The following ANKRD30B variants were observed in gnomAD, a reference collection of about 807,000 sequenced individuals.
ANKRD30B encodes the protein ankyrin repeat domain-containing protein 30B.
ANKRD30B carries 144 observed loss-of-function variants against 202.2 expected under a neutral mutation model. The observed-to-expected ratio is 0.71, with a 90% confidence interval of 0.62 to 0.82. The LOEUF (loss-of-function observed/expected upper bound fraction) is 0.82, where lower values mean the gene tolerates loss of function less well. ANKRD30B is among the 40% of genes least tolerant of loss of function. The pLI, the probability that ANKRD30B is intolerant of heterozygous loss-of-function variation, is 0.00. For missense variants in ANKRD30B, 1,487 were observed against 1,669.1 expected, an observed-to-expected ratio of 0.89 and a Z score of 1.90; for synonymous variants, 508 against 561.3, an observed-to-expected ratio of 0.91 and a Z score of 1.34.
At chr18:14,892,111 A>C in the ANKRD30B span, among the ~76,000 whole-genome samples, 1 of 152,244 alleles carries the variant, frequency 6.6e-6, no homozygotes, top group South Asian at 2.1e-4. Context: ...TAAGAAGTCA[A>C]TATTTTCTTT....
At chr18:14,900,427 A>T in the ANKRD30B span, among the ~76,000 whole-genome samples, 14 of 152,030 alleles carry the variant, frequency 9.2e-5, no homozygotes, top group African/African-American at 3.4e-4. Context: ...CCCTTTTCTT[A>T]TGAGGCATAA....
At chr18:14,941,078 T>C in the ANKRD30B span, among the ~76,000 whole-genome samples, 1 of 152,198 alleles carries the variant, frequency 6.6e-6, no homozygotes, top group Non-Finnish European at 1.5e-5. Context: ...TTTCCTACCA[T>C]GCAAACCATA....
intron 15 of ANKRD30B, among the ~76,000 whole-genome samples, chr18:14,788,759 G>A (rs1428829020): frequency 2.6e-5 from 4 of 151,834 alleles, no homozygotes; most frequent in Non-Finnish European, 5.9e-5. Context: ...AATCCATGGT[G>A]TATATGTGCC....
rs531098814 is a variant in ANKRD30B, at chr18:14,757,014, GTGAC to G, written c.618-795_618-792del. Among the ~76,000 whole-genome samples, 54 of 152,286 alleles carry G rather than the reference GTGAC, an allele frequency of 3.5e-4. 1 individual carries two copies. The East Asian group carries it at 8.3e-3, about 23-fold the overall frequency. On this transcript the variant is annotated intron_variant, in intron 4 of 43. Coordinates refer to ENST00000690538, the MANE Select transcript of ANKRD30B (RefSeq NM_001367607.2). Reference sequence around the variant, plus strand: ...CATATTAATTTTAGGTTATCCCTATGTGACTGACTATTAATTGCTATCACCAGAT... The same window carrying G: ...CATATTAATTTTAGGTTATCCCTATGTGACTATTAATTGCTATCACCAGAT...
At chr18:14,915,240 G>A in the ANKRD30B span, among the ~76,000 whole-genome samples, 1 of 152,124 alleles carries the variant, frequency 6.6e-6, no homozygotes, top group Non-Finnish European at 1.5e-5. Flanking sequence ...ATGTGAAAGA[G>A]GAGCCTTGGT....
At chr18:14,906,674 C>T in the ANKRD30B span, among the ~76,000 whole-genome samples, 2 of 152,114 alleles carry the variant, frequency 1.3e-5, no homozygotes, top group African/African-American at 4.8e-5. Context: ...GCTGTCAATT[C>T]TGTTTAGTCC....
chr18:14,821,342 G>A (rs150129267), intron 30 of ANKRD30B, among the ~76,000 whole-genome samples: 1 of 152,002 alleles, frequency 6.6e-6, no homozygotes, highest in Non-Finnish European at 1.5e-5. Context: ...TTTTTGAACG[G>A]TTTTTTGTGT....
chr18:14,767,792 T>A (rs1916486229), intron 7 of ANKRD30B, among the ~76,000 whole-genome samples: 1 of 152,218 alleles, frequency 6.6e-6, no homozygotes, highest in Non-Finnish European at 1.5e-5. Flanking sequence ...ATCATACTCC[T>A]TAGAATGACA....
chr18:14,789,796 T>C (rs1333338388), intron 15 of ANKRD30B, among the ~76,000 whole-genome samples: 1 of 152,202 alleles, frequency 6.6e-6, no homozygotes, highest in Admixed American at 6.5e-5. Context: ...CACTGAAGCC[T>C]TGTAGTATAG....
At chr18:14,899,629 A>G in the ANKRD30B span, among the ~76,000 whole-genome samples, 1 of 152,162 alleles carries the variant, frequency 6.6e-6, no homozygotes, top group African/African-American at 2.4e-5. Context: ...TATTTTCTGT[A>G]ACATACAAAG....
intron 32 of ANKRD30B, among the ~76,000 whole-genome samples, chr18:14,825,821 A>G (rs1970635673): frequency 6.6e-6 from 1 of 152,246 alleles, no homozygotes; most frequent in Non-Finnish European, 1.5e-5. Flanking sequence ...GATAAAGCAA[A>G]TGCAGAAAAG....
At chr18:14,863,367 G>A in the ANKRD30B span, among the ~76,000 whole-genome samples, 2 of 152,080 alleles carry the variant, frequency 1.3e-5, no homozygotes, top group Non-Finnish European at 2.9e-5. Flanking sequence ...ATGAGAGCTG[G>A]TTGTTTAAAA....
chr18:14,868,240 G>A, the ANKRD30B span, among the ~76,000 whole-genome samples: 1 of 152,292 alleles, frequency 6.6e-6, no homozygotes, highest in Non-Finnish European at 1.5e-5. Flanking sequence ...AGCCTGGGAT[G>A]TGTAAGAAGC....
the ANKRD30B span, among the ~76,000 whole-genome samples, chr18:14,934,672 A>G: frequency 6.6e-6 from 1 of 152,042 alleles, no homozygotes; most frequent in East Asian, 1.9e-4. Context: ...TGGGTCAGGG[A>G]GGGGCTGGCA....
chr18:14,748,616 T>A lies in ANKRD30B; in HGVS notation c.197T>A (p.Leu66Gln), dbSNP rs780863291. 2 of 1,565,668 alleles carry A rather than the reference T, an allele frequency of 1.3e-6. No individual in the cohort carries two copies. Among genetic ancestry groups the A allele is most frequent in the Non-Finnish European group, 1.7e-6 (2 of 1,155,416 alleles). The change falls in exon 1 of 44, where the codon CTG (leucine) becomes CAG (glutamine). Residue 66 changes from leucine (L) to glutamine (Q), a missense_variant. Leu to Gln is a moderately radical substitution (Grantham distance 113, BLOSUM62 -2). This residue lies in a region of ANKRD30B where 889 missense variants were observed against 841.4 expected (regional missense o/e 1.06). Coordinates refer to ENST00000690538, the MANE Select transcript of ANKRD30B (RefSeq NM_001367607.2). The part of the protein sequence containing the change: ...KMTVGKKPVN[L>Q]NKRDMKKRTA... ...ACAGTAGGGAAGAAGCCCGTCAACC[T>A]GAACAAAAGAGATATGAAGAAGAGG...
chr18:14,855,191 C>T (rs1972045336), downstream of ANKRD30B, among the ~76,000 whole-genome samples: 1 of 152,194 alleles, frequency 6.6e-6, no homozygotes, highest in Non-Finnish European at 1.5e-5. Context: ...TGAGTTGACA[C>T]AGCACATGTT....
At chr18:14,798,905 T>C (rs1330769506) in intron 20 of ANKRD30B, among the ~76,000 whole-genome samples, 196 bp from the exon 21 acceptor site, 1 of 152,134 alleles carries the variant, frequency 6.6e-6, no homozygotes, top group African/African-American at 2.4e-5. Flanking sequence ...TTTCATTCCA[T>C]AGCAACAGTT....
At chr18:14,884,925 T>C in the ANKRD30B span, among the ~76,000 whole-genome samples, 1 of 152,128 alleles carries the variant, frequency 6.6e-6, no homozygotes, top group Admixed American at 6.6e-5. Context: ...GAATAAATAC[T>C]GTACAGAAGT....
At chr18:14,852,628 A>G in intron 42 of ANKRD30B, 2 of 528,188 alleles carry the variant, frequency 3.8e-6, no homozygotes, top group Non-Finnish European at 5.7e-6. Context: ...TCACTGATGA[A>G]ATTATAAGAG....
Sources: gnomAD v4.1 joint callset for allele counts (sites outside exome capture counted in the v4.1 genomes callset) on GRCh38, gnomAD v4.1.1 for gene constraint, gnomAD v4.1.1 regional missense constraint, MANE v1.5 for transcripts, NCBI Gene and HGNC (gene_info 2026-07-23, HGNC 2026-07-21) for gene names.